The following AGTRAP variants were observed in gnomAD, a reference collection of about 807,000 sequenced individuals.
The protein encoded by AGTRAP is type-1 angiotensin II receptor-associated protein.
In AGTRAP, 7 loss-of-function variants were observed where a neutral mutation model predicts 15.2. That is an observed-to-expected ratio of 0.46 (90% CI 0.26 to 0.87). The LOEUF is 0.87. AGTRAP is among the 40% of genes least tolerant of loss of function. The pLI, the probability that AGTRAP is intolerant of heterozygous loss-of-function variation, is 0.15. For missense variants in AGTRAP, 187 were observed against 213.4 expected, an observed-to-expected ratio of 0.88 and a Z score of 0.77; for synonymous variants, 74 against 89.6, an observed-to-expected ratio of 0.83 and a Z score of 0.98.
At chr1:11,740,198 TC>T (rs1570338296) in intron 1 of AGTRAP, among the ~76,000 whole-genome samples, 1 of 152,120 alleles carries the variant, frequency 6.6e-6, no homozygotes, top group East Asian at 1.9e-4. Flanking sequence ...ACCAGGAAGC[TC>T]CCCCAGGGCC....
chr1:11,748,822 G>T (rs1358075503), intron 4 of AGTRAP, among the ~76,000 whole-genome samples: 1 of 152,186 alleles, frequency 6.6e-6, no homozygotes, highest in East Asian at 1.9e-4. Context: ...GTCCTGGTCT[G>T]CCGTGACCTT....
At position 11,747,536 on chromosome 1, in the gene AGTRAP, C is replaced by A; in HGVS notation, c.159C>A (p.Ala53=). 3 of 1,613,948 alleles carry A rather than the reference C, an allele frequency of 1.9e-6. No homozygotes were observed. The highest frequency in any genetic ancestry group is 2.5e-6 in the Non-Finnish European group (3 of 1,179,966). Residue 53 remains alanine, a synonymous_variant, in exon 3 of 5, where the codon GCC becomes GCA. Transcript: ENST00000314340. ...WAVAQRDSID[A]ISMFLGGLLA... is the part of the protein sequence containing the mutation. ...TGGCTCAGCGGGACTCCATCGACGC[C>A]ATAAGCATGGTGAGCCAGGGTGGGG...
Position 11,748,535 on chromosome 1 carries a change from C to T in AGTRAP, c.289C>T (p.Leu97=). 1.2e-6 allele frequency: 2 copies of T among 1,611,678 alleles called. No individual in the cohort carries two copies. The highest frequency in any genetic ancestry group is 1.7e-6 in the Non-Finnish European group (2 of 1,180,008). ...CGTGGGCATGGCCATCCTCAGCTTG[C>T]TGCTCAAGCCGCTCTCCTGCTGCTT... ...FGVGMAILSL[L]LKPLSCCFVY... is the part of the protein sequence containing the mutation. Residue 97 remains leucine, a synonymous_variant, in exon 4 of 5, where the codon CTG becomes TTG. Coordinates refer to ENST00000314340, the MANE Select transcript of AGTRAP (RefSeq NM_020350.5).
At chr1:11,743,511 G>T (rs538110432) in intron 1 of AGTRAP, among the ~76,000 whole-genome samples, 19 of 151,582 alleles carry the variant, frequency 1.3e-4, no homozygotes, top group Admixed American at 6.6e-5. Context: ...CTCCCACAGT[G>T]CTGGGATTAC....
chr1:11,743,918 G>A (rs374278655), intron 1 of AGTRAP, among the ~76,000 whole-genome samples: 1 of 152,112 alleles, frequency 6.6e-6, no homozygotes. Flanking sequence ...TTGATGTCCC[G>A]GAGTAGAGAC....
At position 11,748,477 on chromosome 1, in the gene AGTRAP, G is replaced by T. The variant is rs139499701; in HGVS notation, c.231G>T (p.Pro77=). 270 of 1,613,732 alleles carry T rather than the reference G, an allele frequency of 1.7e-4. 1 individual carries two copies. The African/African-American group carries it at 2.8e-3, about 17-fold the overall frequency. ...TCGTGCACATCAGCATCTTCTACCC[G>T]CGGGTCAGCCTCACGGACACGGGCC... ...LDIVHISIFY[P]RVSLTDTGRF... Residue 77 remains proline, a synonymous_variant, in exon 4 of 5, where the codon CCG becomes CCT. Transcript: ENST00000314340.
chr1:11,736,765 G>A (rs1177083011), intron 1 of AGTRAP, among the ~76,000 whole-genome samples: 1 of 152,224 alleles, frequency 6.6e-6, no homozygotes, highest in Non-Finnish European at 1.5e-5. Context: ...CAAGAAGCGC[G>A]AACTCCAACA....
intron 1 of AGTRAP, chr1:11,744,569 G>T: frequency 1.4e-6 from 1 of 716,394 alleles, no homozygotes; most frequent in South Asian, 1.5e-5. Flanking sequence ...TCACCCTCAC[G>T]TGAGTCCCCA....
At chr1:11,746,336 G>A in intron 2 of AGTRAP, 2 of 970,386 alleles carry the variant, frequency 2.1e-6, no homozygotes, top group Non-Finnish European at 1.5e-6. Flanking sequence ...TCTGGGCTGG[G>A]ACCCAGGCAC....
intron 1 of AGTRAP, among the ~76,000 whole-genome samples, chr1:11,738,996 T>C (rs1371076217): frequency 6.6e-6 from 1 of 152,106 alleles, no homozygotes; most frequent in East Asian, 1.9e-4. Context: ...AGCCTTTCCT[T>C]CTCCAGGTTA....
At chr1:11,749,636 C>G (rs17875957) in intron 4 of AGTRAP, among the ~76,000 whole-genome samples, 1,897 of 152,272 alleles carry the variant, frequency 0.012, 35 homozygotes, top group African/African-American at 0.032. Flanking sequence ...TGTCCTTGTA[C>G]CTGGGAGGGG....
intron 1 of AGTRAP, among the ~76,000 whole-genome samples, chr1:11,743,369 C>T (rs773546913): frequency 4.6e-5 from 7 of 151,876 alleles, no homozygotes; most frequent in Admixed American, 6.5e-5. Context: ...CCTCAACTTC[C>T]GGAGTAGCTG....
chr1:11,739,874 G>A (rs1338224781), intron 1 of AGTRAP, among the ~76,000 whole-genome samples: 2 of 152,356 alleles, frequency 1.3e-5, no homozygotes, highest in Middle Eastern at 6.8e-3. Flanking sequence ...AGGCACCCCC[G>A]TGGGACAAAT....
Position 11,750,535 on chromosome 1 carries a change from C to A in AGTRAP, c.*343C>A. 1 of 543,606 alleles carries A rather than the reference C, an allele frequency of 1.8e-6. No homozygotes were observed. The allele number at this position is 543,606 out of a possible 1,614,324, so 33.7% of individuals were successfully genotyped here. A position where few individuals can be genotyped will look rare whatever the true frequency, so the allele number is the denominator to read the frequency against. On this transcript the variant is annotated 3_prime_UTR_variant, in exon 5 of 5. Coordinates refer to ENST00000314340, the MANE Select transcript of AGTRAP (RefSeq NM_020350.5). ...CAGGCCTTTAAGGACTGCTGATGCC[C>A]CCTCAGGCCTCCCCCAAGTTTGCTG...
chr1:11,747,607 C>G (rs1293158946), intron 3 of AGTRAP, 62 bp downstream of exon 3: 11 of 1,526,668 alleles, frequency 7.2e-6, no homozygotes, highest in Non-Finnish European at 9.9e-6. Flanking sequence ...AAGACATAGC[C>G]TGGCTCTGCT....
chr1:11,739,277 G>C (rs147391579), intron 1 of AGTRAP, among the ~76,000 whole-genome samples: 5 of 152,182 alleles, frequency 3.3e-5, no homozygotes, highest in South Asian at 4.1e-4. Context: ...TGGGCCAGGC[G>C]TGGTGGCTCA....
rs755348017 is a variant in AGTRAP at position 11,746,215 on chromosome 1, G to C, written c.62+378G>C. ...CAAACTTCGAAGTGCAGCGCACAGGGCAACAGCTGTGAGTAATGTGAACTG... is the reference window on the plus strand; with the variant it reads ...CAAACTTCGAAGTGCAGCGCACAGGCCAACAGCTGTGAGTAATGTGAACTG... On this transcript the variant is annotated intron_variant, in intron 2 of 4. Coordinates refer to ENST00000314340, the MANE Select transcript of AGTRAP (RefSeq NM_020350.5). The C allele has an allele frequency of 1.9e-6, 3 of 1,608,162 alleles. No homozygotes were observed. In the African/African-American group the frequency reaches 4.0e-5, roughly 21 times the overall value.
chr1:11,738,875 A>G (rs1231470812), intron 1 of AGTRAP, among the ~76,000 whole-genome samples: 2 of 152,218 alleles, frequency 1.3e-5, no homozygotes, highest in Non-Finnish European at 2.9e-5. Flanking sequence ...GTGTTTGCAC[A>G]GGACTGGTAG....
intron 1 of AGTRAP, among the ~76,000 whole-genome samples, chr1:11,739,991 T>C (rs11121815): frequency 0.71 from 108,211 of 152,126 alleles, 41,010 homozygotes; most frequent in East Asian, 0.97. Context: ...GCTGCCTTGG[T>C]CCATTGACCC....
Sources: gnomAD v4.1 joint callset for allele counts (sites outside exome capture counted in the v4.1 genomes callset) on GRCh38, gnomAD v4.1.1 for gene constraint, MANE v1.5 for transcripts, NCBI Gene and HGNC (gene_info 2026-07-23, HGNC 2026-07-21) for gene names.